Variants in DELE1 observed in about 807,000 individuals in gnomAD.
DELE1 encodes the protein DAP3 binding cell death enhancer 1.
A neutral mutation model predicts 59.3 loss-of-function variants in DELE1; 54 were observed. The observed-to-expected ratio is 0.91, with a 90% CI of 0.73 to 1.14. The LOEUF is 1.14. Ranked by LOEUF, DELE1 falls within the 50% of genes most tolerant of loss-of-function variation. The probability of loss-of-function intolerance (pLI) is 0.00; values close to 1 mark genes in which losing one functional copy is unlikely to be tolerated. For missense variants in DELE1, 636 were observed against 643.9 expected (o/e 0.99, Z 0.13); for synonymous variants, 264 against 259.1 (o/e 1.02, Z -0.18).
chr5:141,940,121 G>T lies in DELE1; in HGVS notation c.*1362G>T. The T allele has an allele frequency of 4.1e-6, 4 of 985,408 alleles. No homozygotes were observed. Among genetic ancestry groups the T allele is most frequent in the Non-Finnish European group, 4.8e-6 (4 of 829,934 alleles). The allele number at this position is 985,408 out of a possible 1,614,324, so 61.0% of individuals were successfully genotyped here. On this transcript the variant is annotated 3_prime_UTR_variant, in exon 12 of 12. Coordinates refer to ENST00000432126, the MANE Select transcript of DELE1 (RefSeq NM_014773.5). ...GGAAACATGTGCCAGAAATGTCTAG[G>T]TGTTTAATAAAACAGATATTGGATT... is the stretch of plus-strand genomic sequence containing the variant.
chr5:141,931,544 G>A (rs1291462182), intron 7 of DELE1, among the ~76,000 whole-genome samples: 2 of 152,160 alleles, frequency 1.3e-5, no homozygotes, highest in East Asian at 3.8e-4. Flanking sequence ...AAAAGGAGAC[G>A]AGGCAGGCGC....
chr5:141,933,106 AAAAAAATAT>A (rs1291384148), intron 7 of DELE1, among the ~76,000 whole-genome samples, 144 bp from the exon 8 acceptor site: 6 of 137,538 alleles, frequency 4.4e-5, no homozygotes, highest in African/African-American at 1.8e-4. Flanking sequence ...AAAAAAAAAA[AAAAAAATAT>A]ATATATATAT....
chr5:141,927,903 C>T (rs1309071309), intron 3 of DELE1, among the ~76,000 whole-genome samples: 1 of 152,138 alleles, frequency 6.6e-6, no homozygotes, highest in Non-Finnish European at 1.5e-5. Flanking sequence ...GAGTAAAACA[C>T]ACATGGTCCC....
chr5:141,929,890 A>G (rs2126876516), intron 5 of DELE1, 99 bp from the exon 6 acceptor site: 1 of 1,511,604 alleles, frequency 6.6e-7, no homozygotes, highest in East Asian at 2.3e-5. Context: ...GTTCCTGGCA[A>G]GGGTGCTGGC....
rs1272155375 is a variant in DELE1, at chr5:141,928,256, C to T, written c.370C>T (p.Leu124=). The T allele has an allele frequency of 5.0e-6, 8 of 1,614,112 alleles. No homozygotes were observed. Among genetic ancestry groups the T allele is most frequent in the Non-Finnish European group, 6.8e-6 (8 of 1,180,038 alleles). The change falls in exon 4 of 12, where the codon CTG becomes TTG. Residue 124 remains leucine, a synonymous_variant. Coordinates refer to ENST00000432126, the MANE Select transcript of DELE1 (RefSeq NM_014773.5). ...RVEHCSWHSP[L]DRFFSSPLWH... ...AGAACACTGCTCCTGGCACAGTCCC[C>T]TGGACCGTTTCTTCTCATCTCCCTT...
rs1180867854 is a variant in DELE1, at chr5:141,923,949, G to A, written c.8G>A (p.Arg3His). ...TGTGGTGCTGGCAGCGACATGTGGCGCCTCCCGGGACTCCTGGGCCGAGGT... is the reference window on the plus strand; with the variant it reads ...TGTGGTGCTGGCAGCGACATGTGGCACCTCCCGGGACTCCTGGGCCGAGGT... MW[R>H]LPGLLGRALP... The change falls in exon 1 of 12, where the codon CGC becomes CAC. Residue 3 changes from arginine to histidine, a missense_variant. By Grantham distance (29) the Arg-to-His change is conservative. Transcript: ENST00000432126. 6.2e-7 allele frequency: 1 copy of A among 1,608,692 alleles called. No individual in the cohort carries two copies. The highest frequency in any genetic ancestry group is 1.1e-5 in the South Asian group (1 of 89,978).
chr5:141,928,024 T>G (rs571733100), intron 3 of DELE1, 127 bp from the exon 4 acceptor site: 317 of 966,956 alleles, frequency 3.3e-4, no homozygotes, highest in Non-Finnish European at 4.5e-4. Flanking sequence ...GTTAGGGTGT[T>G]GTGAAAGTTT....
At chr5:141,924,747 T>TAA in intron 2 of DELE1, 52 bp downstream of exon 2, 2 of 1,198,528 alleles carry the variant, frequency 1.7e-6, no homozygotes, top group Non-Finnish European at 2.4e-6. Context: ...ACCCTTTTTT[T>TAA]TTATTTTTTT....
chr5:141,940,554 T>C lies in DELE1; in HGVS notation c.*1795T>C. 1 of 985,390 alleles carries C rather than the reference T, an allele frequency of 1.0e-6. No homozygotes were observed. Among genetic ancestry groups the C allele is most frequent in the Non-Finnish European group, 1.2e-6 (1 of 829,932 alleles). 61.0% of individuals were successfully genotyped at this position (985,390 alleles called of 1,614,324 possible). ...TTCCCTCTCTGCTTCCCACCCCATC[T>C]CTCTCAACTTCTTAGTGGTCCTGCC... On this transcript the variant is annotated 3_prime_UTR_variant, in exon 12 of 12. Coordinates refer to ENST00000432126, the MANE Select transcript of DELE1 (RefSeq NM_014773.5).
Position 141,934,503 on chromosome 5 carries a change from T to C in DELE1, c.1066T>C (p.Phe356Leu), listed in dbSNP as rs777892203. The change falls in exon 10 of 12, where the codon TTC (phenylalanine) becomes CTC (leucine). Residue 356 changes from phenylalanine (F) to leucine (L), a missense_variant. Coordinates refer to ENST00000432126, the MANE Select transcript of DELE1 (RefSeq NM_014773.5). ...TCCTCCTTGACCACAGGCCCAAGCTTTCCTCGGGGTGCTTTTCACCAAGGA... is the reference window on the plus strand; with the variant it reads ...TCCTCCTTGACCACAGGCCCAAGCTCTCCTCGGGGTGCTTTTCACCAAGGA... ...ADSGLREAQA[F>L]LGVLFTKEPY... is the part of the protein sequence containing the mutation. 17 of 1,614,242 alleles carry C rather than the reference T, an allele frequency of 1.1e-5. No individual in the cohort carries two copies. The highest frequency in any genetic ancestry group is 1.3e-5 in the Non-Finnish European group (15 of 1,180,040).
At chr5:141,925,388 A>T (rs1320969742) in intron 2 of DELE1, 22 bp from the exon 3 acceptor site, 28 of 1,504,352 alleles carry the variant, frequency 1.9e-5, no homozygotes, top group Non-Finnish European at 2.4e-5. Flanking sequence ...CCTACTTGAT[A>T]GCCTCTTATT....
In DELE1 at chr5:141,939,150, G is replaced by C; in HGVS notation, c.*391G>C. 1 of 983,160 alleles carries C rather than the reference G, an allele frequency of 1.0e-6. No individual in the cohort carries two copies. 60.9% of individuals were successfully genotyped at this position (983,160 alleles called of 1,614,324 possible). ...ACTACTGTTTGCCAATGTCTGATGT[G>C]TGTATCCCTGGTTCACAAGAAGATT... is the stretch of plus-strand genomic sequence containing the variant. On this transcript the variant is annotated 3_prime_UTR_variant, in exon 12 of 12. Coordinates refer to ENST00000432126, the MANE Select transcript of DELE1 (RefSeq NM_014773.5).
At chr5:141,930,334 A>G (rs1751804088) in intron 7 of DELE1, 60 bp downstream of exon 7, 1 of 1,229,270 alleles carries the variant, frequency 8.1e-7, no homozygotes, top group African/African-American at 1.5e-5. Context: ...GGTATGGGGT[A>G]GCTCAGATAT....
At chr5:141,936,601 A>G (rs1256572919) in intron 10 of DELE1, among the ~76,000 whole-genome samples, 2 of 151,832 alleles carry the variant, frequency 1.3e-5, no homozygotes, top group Non-Finnish European at 2.9e-5. Context: ...CACCTGCCTA[A>G]TTTTTTTTGT....
Position 141,933,768 on chromosome 5 carries a change from A to G in DELE1, c.897+367A>G, listed in dbSNP as rs529255883. The G allele has an allele frequency of 7.5e-5, 12 of 159,810 alleles. No individual in the cohort carries two copies. The East Asian group carries it at 1.8e-3, about 24-fold the overall frequency. The allele number at this position is 159,810 out of a possible 1,614,324, so 9.9% of individuals were successfully genotyped here. A position where few individuals can be genotyped will look rare whatever the true frequency, so the allele number is the denominator to read the frequency against. The stretch of plus-strand genomic sequence containing the variant: ...CCAAAAAAACCTGAAAGTTTCTTCA[A>G]TGGAAAACTGGTTAATTACATCTAT... On this transcript the variant is annotated intron_variant, in intron 8 of 11. Coordinates refer to ENST00000432126, the MANE Select transcript of DELE1 (RefSeq NM_014773.5).
chr5:141,931,553 G>A lies in DELE1; in HGVS notation c.754+1279G>A, dbSNP rs543453206. Among the ~76,000 whole-genome samples the A allele has an allele frequency of 1.4e-4, 21 of 152,312 alleles. 1 individual carries two copies. In the South Asian group the frequency reaches 3.7e-3, roughly 27 times the overall value. On this transcript the variant is annotated intron_variant, in intron 7 of 11. Transcript: ENST00000432126. The stretch of plus-strand genomic sequence containing the variant: ...GGGGGAAAAAGGAGACGAGGCAGGC[G>A]CTGTTGGTGACGGCTGAACAAAACA...
rs1293562027 is a variant in DELE1 at position 141,938,910 on chromosome 5, T to C, written c.*151T>C. On this transcript the variant is annotated 3_prime_UTR_variant, in exon 12 of 12. Transcript: ENST00000432126. ...CAATTTCACGTACATGGCTGGTAAG[T>C]GACTGATCTTTCCCCCCGCTTGGTA... is the stretch of plus-strand genomic sequence containing the variant. 19 of 1,446,268 alleles carry C rather than the reference T, an allele frequency of 1.3e-5. No homozygotes were observed. Among genetic ancestry groups the C allele is most frequent in the Non-Finnish European group, 1.5e-5 (17 of 1,104,936 alleles). The allele number at this position is 1,446,268 out of a possible 1,614,324, so 89.6% of individuals were successfully genotyped here.
At chr5:141,925,693 C>T (rs1275486847) in intron 3 of DELE1, among the ~76,000 whole-genome samples, 166 bp downstream of exon 3, 1 of 152,150 alleles carries the variant, frequency 6.6e-6, no homozygotes, top group Non-Finnish European at 1.5e-5. Flanking sequence ...TTTCCACACC[C>T]CCGCCATGTA....
Position 141,925,445 on chromosome 5 carries a change from C to T in DELE1, c.182C>T (p.Pro61Leu), listed in dbSNP as rs1488131292. ...GPHGPGTSGG[P>L]RSHGWKDAFQ... ...CATGGCCCAGGCACGAGCGGGGGTC[C>T]AAGGTCCCATGGATGGAAGGATGCC... The change falls in exon 3 of 12, where the codon CCA becomes CTA. Residue 61 changes from proline (P) to leucine (L), a missense_variant. Physicochemically the swap from Pro to Leu is moderately conservative, Grantham distance 98. Transcript: ENST00000432126. 1.2e-6 allele frequency: 2 copies of T among 1,602,640 alleles called. No individual in the cohort carries two copies. Among genetic ancestry groups the T allele is most frequent in the Non-Finnish European group, 1.7e-6 (2 of 1,174,866 alleles).
Sources: gnomAD v4.1 joint callset for allele counts (sites outside exome capture counted in the v4.1 genomes callset) on GRCh38, gnomAD v4.1.1 for gene constraint, MANE v1.5 for transcripts, NCBI Gene and HGNC (gene_info 2026-07-23, HGNC 2026-07-21) for gene names.